TPTE2: variants seen among roughly 807,000 people sequenced by gnomAD.
TPTE2 encodes the protein phosphatidylinositol 3,4,5-trisphosphate 3-phosphatase TPTE2.
TPTE2 carries 53 observed loss-of-function variants against 78.6 expected under a neutral mutation model. That is an observed-to-expected ratio of 0.67 (90% CI 0.54 to 0.85). The LOEUF (loss-of-function observed/expected upper bound fraction) is 0.85. Among genes scored for constraint, TPTE2 ranks in the 40% least tolerant of loss-of-function variants. The pLI, the probability that TPTE2 is intolerant of heterozygous loss-of-function variation, is 0.00. For missense variants in TPTE2, 461 were observed against 623.0 expected, an observed-to-expected ratio of 0.74 and a Z score of 2.77; for synonymous variants, 175 against 206.2, an observed-to-expected ratio of 0.85 and a Z score of 1.30.
At chr13:19,500,330 A>T (rs1246881036) in intron 1 of TPTE2, among the ~76,000 whole-genome samples, 2 of 151,172 alleles carry the variant, frequency 1.3e-5, no homozygotes, top group Non-Finnish European at 3.0e-5. Flanking sequence ...TACCAAAGCC[A>T]GGCAGAGACA....
chr13:19,432,478 A>G, exon 16 of TPTE2: 1 of 1,585,526 alleles, frequency 6.3e-7, no homozygotes, highest in East Asian at 2.3e-5. Context: ...CTTACCACGA[A>G]TCGAATAAAT....
intron 17 of TPTE2, 112 bp from the exon 21 acceptor site, chr13:19,426,629 C>T: frequency 3.2e-6 from 2 of 632,410 alleles, no homozygotes; most frequent in South Asian, 3.8e-5. Context: ...CTCTCACAGC[C>T]CAATCACTAC....
At chr13:19,496,984 T>G (rs572298209) in intron 1 of TPTE2, among the ~76,000 whole-genome samples, 1 of 152,252 alleles carries the variant, frequency 6.6e-6, no homozygotes, top group South Asian at 2.1e-4. Flanking sequence ...TTGCCTCACT[T>G]GGGAAGTGCA....
chr13:19,517,204 TTG>T (rs1869850321), intron 1 of TPTE2, among the ~76,000 whole-genome samples: 1 of 152,208 alleles, frequency 6.6e-6, no homozygotes, highest in South Asian at 2.1e-4. Flanking sequence ...GTCTGAGGTT[TTG>T]TGTTATTGGT....
chr13:19,485,256 A>G (rs1880596651), intron 3 of TPTE2, among the ~76,000 whole-genome samples: 1 of 152,046 alleles, frequency 6.6e-6, no homozygotes, highest in Admixed American at 6.6e-5. Flanking sequence ...GTGATGAATT[A>G]TCTTGGTTTT....
At chr13:19,544,191 A>G in the TPTE2 span, among the ~76,000 whole-genome samples, 5 of 152,132 alleles carry the variant, frequency 3.3e-5, no homozygotes, top group Non-Finnish European at 7.4e-5. Context: ...CACAGTGGAT[A>G]TAAAAACATG....
chr13:19,426,471 T>C (rs1876083513), exon 18 of TPTE2: 4 of 1,607,494 alleles, frequency 2.5e-6, no homozygotes, highest in African/African-American at 2.7e-5. Context: ...AGGTGGACCG[T>C]CATATACATT....
chr13:19,555,925 G>C, the TPTE2 span, among the ~76,000 whole-genome samples: 2 of 143,914 alleles, frequency 1.4e-5, no homozygotes, highest in African/African-American at 2.6e-5. Context: ...TGATTCTCCT[G>C]CCTCAGCCTC....
chr13:19,437,176 C>T (rs970422912), intron 14 of TPTE2, among the ~76,000 whole-genome samples: 28 of 152,268 alleles, frequency 1.8e-4, no homozygotes, highest in African/African-American at 6.7e-4. Flanking sequence ...ACTGATAAAT[C>T]ATGATCCACA....
intron 1 of TPTE2, among the ~76,000 whole-genome samples, chr13:19,513,574 T>TTTG (rs1035644808): frequency 1.3e-5 from 2 of 152,176 alleles, no homozygotes; most frequent in Non-Finnish European, 2.9e-5. Flanking sequence ...CACGACTTTT[T>TTTG]TTGTTGTTGT....
At chr13:19,476,559 T>C (rs1879949773) in intron 4 of TPTE2, among the ~76,000 whole-genome samples, 1 of 151,998 alleles carries the variant, frequency 6.6e-6, no homozygotes, top group Admixed American at 6.5e-5. Context: ...GCCTTTGACA[T>C]GAACAGACAT....
intron 17 of TPTE2, among the ~76,000 whole-genome samples, chr13:19,428,320 T>A (rs1346011336): frequency 6.6e-6 from 1 of 152,010 alleles, no homozygotes; most frequent in African/African-American, 2.4e-5. Context: ...TGGTAGCACA[T>A]GCCTGTAATC....
At chr13:19,482,273 G>T (rs991721759) in intron 4 of TPTE2, among the ~76,000 whole-genome samples, 1 of 151,958 alleles carries the variant, frequency 6.6e-6, no homozygotes, top group Non-Finnish European at 1.5e-5. Context: ...TTTCAAGCTA[G>T]AAGAACATTT....
At chr13:19,456,126 C>T (rs928441186) in intron 10 of TPTE2, among the ~76,000 whole-genome samples, 2 of 152,160 alleles carry the variant, frequency 1.3e-5, no homozygotes. Flanking sequence ...CCCAGGGAAT[C>T]TACATATTCA....
chr13:19,525,404 C>T (rs557886249), intron 1 of TPTE2, among the ~76,000 whole-genome samples: 1 of 152,296 alleles, frequency 6.6e-6, no homozygotes, highest in Non-Finnish European at 1.5e-5. Context: ...ACAGCTACAA[C>T]CATCTGATCT....
In TPTE2 at chr13:19,464,523, G is replaced by A; in HGVS notation, c.677-3C>T. The A allele has an allele frequency of 6.2e-7, 1 of 1,612,106 alleles. No homozygotes were observed. Among genetic ancestry groups the A allele is most frequent in the Non-Finnish European group, 8.5e-7 (1 of 1,178,990 alleles). On this transcript the variant is annotated splice_region_variant and splice_polypyrimidine_tract_variant and intron_variant, in intron 9 of 19. Transcript: ENST00000400230. ...AAATGACATAGCAATAATACGTTCT[G>A]AAAGTCAAAATCATCACTATTACAA...
At chr13:19,441,394 A>G (rs1373752493) in intron 13 of TPTE2, among the ~76,000 whole-genome samples, 1 of 152,150 alleles carries the variant, frequency 6.6e-6, no homozygotes, top group Non-Finnish European at 1.5e-5. Flanking sequence ...AAACCTGCAT[A>G]TGTACTTCCA....
At chr13:19,459,372 T>C (rs923667854) in intron 10 of TPTE2, among the ~76,000 whole-genome samples, 4 of 152,136 alleles carry the variant, frequency 2.6e-5, no homozygotes, top group Non-Finnish European at 4.4e-5. Context: ...TTTGGAAGCT[T>C]CATCCCAGGG....
chr13:19,558,032 A>G, the TPTE2 span, among the ~76,000 whole-genome samples: 1 of 152,228 alleles, frequency 6.6e-6, no homozygotes, highest in Non-Finnish European at 1.5e-5. Context: ...AGTATTTTAT[A>G]GCACTAAAAT....
Sources: gnomAD v4.1 joint callset for allele counts (sites outside exome capture counted in the v4.1 genomes callset) on GRCh38, gnomAD v4.1.1 for gene constraint, MANE v1.5 for transcripts, NCBI Gene and HGNC (gene_info 2026-07-23, HGNC 2026-07-21) for gene names.